The following CD86 variants were observed in gnomAD, a reference collection of about 807,000 sequenced individuals.
CD86 encodes the protein CD86 molecule, also known as T-lymphocyte activation antigen CD86.
A neutral mutation model predicts 32.1 loss-of-function variants in CD86; 11 were observed. That is an observed-to-expected ratio of 0.34 (90% CI 0.22 to 0.57). The LOEUF (loss-of-function observed/expected upper bound fraction) is 0.57. Among genes scored for constraint, CD86 ranks in the 20% least tolerant of loss-of-function variants. The pLI is 0.86. For synonymous variants in CD86, 137 were observed against 135.3 expected, an observed-to-expected ratio of 1.01 and a Z score of -0.09; for missense variants, 359 against 398.4, an observed-to-expected ratio of 0.90 and a Z score of 0.84.
At chr3:122,114,368 A>G (rs931512919) in intron 5 of CD86, among the ~76,000 whole-genome samples, 2 of 152,216 alleles carry the variant, frequency 1.3e-5, no homozygotes, top group Non-Finnish European at 2.9e-5. Flanking sequence ...CCCTCTTTCC[A>G]TAAACAACTA....
At chr3:122,101,528 A>C (rs1035686965) in intron 2 of CD86, among the ~76,000 whole-genome samples, 1 of 140,144 alleles carries the variant, frequency 7.1e-6, no homozygotes, top group African/African-American at 2.6e-5. Context: ...ATATATATAT[A>C]TATATATATA....
At chr3:122,074,945 G>A (rs1373052160) in intron 1 of CD86, among the ~76,000 whole-genome samples, 4 of 152,270 alleles carry the variant, frequency 2.6e-5, no homozygotes, top group East Asian at 1.9e-4. Flanking sequence ...GGTCAGCCAA[G>A]GACAACACTG....
Position 122,119,625 on chromosome 3 carries a change from A to G in CD86, c.*91A>G. The G allele has an allele frequency of 2.6e-6, 2 of 777,096 alleles. No individual in the cohort carries two copies. The highest frequency in any genetic ancestry group is 4.4e-6 in the Non-Finnish European group (2 of 454,450). 48.1% of individuals were successfully genotyped at this position (777,096 alleles called of 1,614,324 possible). On this transcript the variant is annotated 3_prime_UTR_variant, in exon 7 of 7. Transcript: ENST00000330540. ...CCTTTTTGATTTCTTCCAGAAGGCA[A>G]AAAGACATTACCATGAGTAATAAGG...
chr3:122,069,185 G>A (rs2072455205), intron 1 of CD86, among the ~76,000 whole-genome samples: 1 of 151,906 alleles, frequency 6.6e-6, no homozygotes, highest in Non-Finnish European at 1.5e-5. Context: ...AGGAGGGCAG[G>A]GACCACACTT....
intron 3 of CD86, among the ~76,000 whole-genome samples, chr3:122,104,102 T>C (rs1559910974): frequency 7.2e-5 from 11 of 152,052 alleles, no homozygotes; most frequent in Admixed American, 7.2e-4. Context: ...GGGGAAAAAA[T>C]AGAGCTAATT....
chr3:122,060,829 C>T (rs568427280), intron 1 of CD86, among the ~76,000 whole-genome samples: 3 of 152,028 alleles, frequency 2.0e-5, no homozygotes, highest in South Asian at 4.2e-4. Flanking sequence ...TTTGAGGCTT[C>T]GCAGAGGTAA....
chr3:122,111,626 G>GT (rs1433142694), intron 5 of CD86, among the ~76,000 whole-genome samples: 1 of 152,226 alleles, frequency 6.6e-6, no homozygotes, highest in East Asian at 1.9e-4. Flanking sequence ...GCCAAGGAAT[G>GT]TAAGTAGCTT....
At chr3:122,097,546 GGTAATCA>G (rs2072926671) in intron 2 of CD86, among the ~76,000 whole-genome samples, 1 of 152,216 alleles carries the variant, frequency 6.6e-6, no homozygotes, top group Admixed American at 6.5e-5. Context: ...TCGAGGGTCA[GGTAATCA>G]GTGCAGACTT....
At chr3:122,102,132 A>T (rs1380981708) in intron 2 of CD86, among the ~76,000 whole-genome samples, 1 of 152,122 alleles carries the variant, frequency 6.6e-6, no homozygotes, top group East Asian at 1.9e-4. Context: ...TGTCACTGTT[A>T]TCTGTCCTTC....
At chr3:122,060,534 G>A (rs2072317621) in intron 1 of CD86, among the ~76,000 whole-genome samples, 1 of 152,086 alleles carries the variant, frequency 6.6e-6, no homozygotes, top group Non-Finnish European at 1.5e-5. Flanking sequence ...TGTAATCCCA[G>A]TGACTCAGGA....
intron 1 of CD86, among the ~76,000 whole-genome samples, chr3:122,083,065 A>G (rs2072656494): frequency 6.6e-6 from 1 of 152,154 alleles, no homozygotes; most frequent in Non-Finnish European, 1.5e-5. Context: ...TTCTTGATCT[A>G]TCCACTTTTC....
chr3:122,093,707 A>G (rs2072863431), intron 2 of CD86, among the ~76,000 whole-genome samples: 1 of 152,200 alleles, frequency 6.6e-6, no homozygotes, highest in East Asian at 1.9e-4. Flanking sequence ...ATATATATAT[A>G]TATCCCTTAC....
chr3:122,082,242 C>T (rs758054438), intron 1 of CD86, among the ~76,000 whole-genome samples: 1 of 152,186 alleles, frequency 6.6e-6, no homozygotes, highest in Non-Finnish European at 1.5e-5. Flanking sequence ...AGTTTTCCAT[C>T]ATCTGGAACT....
At chr3:122,077,881 T>G in intron 1 of CD86, 1 of 985,516 alleles carries the variant, frequency 1.0e-6, no homozygotes, top group Non-Finnish European at 1.2e-6. Context: ...CCGTCAGTCC[T>G]GGCATTATTT....
intron 1 of CD86, among the ~76,000 whole-genome samples, chr3:122,082,835 T>C (rs1559903211): frequency 2.0e-5 from 3 of 152,234 alleles, no homozygotes; most frequent in Non-Finnish European, 4.4e-5. Context: ...CTGCACAGCA[T>C]AAGTTTGATT....
At chr3:122,117,105 G>A (rs934446989) in intron 5 of CD86, among the ~76,000 whole-genome samples, 6 of 151,480 alleles carry the variant, frequency 4.0e-5, no homozygotes, top group Admixed American at 6.6e-5. Context: ...GATGGTTTTC[G>A]GTTACATGGA....
chr3:122,056,072 T>G (rs560718935), intron 1 of CD86, among the ~76,000 whole-genome samples: 2 of 152,276 alleles, frequency 1.3e-5, no homozygotes, highest in East Asian at 3.9e-4. Flanking sequence ...GCTGGGTACT[T>G]TACTAGTGCT....
chr3:122,110,206 C>A (rs1030404624), intron 5 of CD86, among the ~76,000 whole-genome samples: 3 of 152,212 alleles, frequency 2.0e-5, no homozygotes, highest in African/African-American at 7.2e-5. Flanking sequence ...TTTGTGGATA[C>A]ACCATAATTT....
intron 2 of CD86, 57 bp downstream of exon 2, chr3:122,091,707 G>A: frequency 2.8e-6 from 4 of 1,409,562 alleles, no homozygotes; most frequent in Non-Finnish European, 4.0e-6. Flanking sequence ...TGATGAGTCT[G>A]ACCACAGCAA....
Sources: gnomAD v4.1 joint callset for allele counts (sites outside exome capture counted in the v4.1 genomes callset) on GRCh38, gnomAD v4.1.1 for gene constraint, MANE v1.5 for transcripts, NCBI Gene and HGNC (gene_info 2026-07-23, HGNC 2026-07-21) for gene names.